Variants in EMX1 observed in about 807,000 individuals in gnomAD.
EMX1 encodes empty spiracles homeobox 1.
In EMX1, 10 loss-of-function variants were observed where a neutral mutation model predicts 20.1. The ratio of observed to expected loss-of-function variants is 0.50; its 90% CI spans 0.31 to 0.84. The LOEUF (loss-of-function observed/expected upper bound fraction) is 0.84. Ranked by LOEUF, EMX1 falls within the 40% of genes least tolerant of loss-of-function variation. The pLI is 0.05. For synonymous variants in EMX1, 250 were observed against 200.4 expected (o/e 1.25, Z -2.09); for missense variants, 424 against 431.9 (o/e 0.98, Z 0.16).
upstream of EMX1, chr2:72,916,776 G>A: frequency 5.6e-6 from 4 of 717,394 alleles, no homozygotes; most frequent in Non-Finnish European, 1.0e-5. Flanking sequence ...AGCCCCCAGA[G>A]CCTCAGAGAA....
At chr2:72,925,150 G>C (rs941601869) in intron 2 of EMX1, among the ~76,000 whole-genome samples, 2 of 152,228 alleles carry the variant, frequency 1.3e-5, no homozygotes, top group Admixed American at 6.5e-5. Context: ...CAGAGCATCT[G>C]AGTGGCCTGG....
intron 1 of EMX1, among the ~76,000 whole-genome samples, chr2:72,920,791 A>G (rs920303679): frequency 6.6e-6 from 1 of 152,290 alleles, no homozygotes; most frequent in East Asian, 1.9e-4. Context: ...GCCGCTCGCG[A>G]GCACCGAAGG....
intron 2 of EMX1, among the ~76,000 whole-genome samples, chr2:72,928,255 G>A (rs1204337784): frequency 6.6e-6 from 1 of 152,218 alleles, no homozygotes; most frequent in Admixed American, 6.5e-5. Context: ...GACCAGGAAG[G>A]TACCAGTCTA....
upstream of EMX1, chr2:72,916,791 A>AG: frequency 1.4e-6 from 1 of 717,290 alleles, no homozygotes; most frequent in South Asian, 1.5e-5. Context: ...AGAGAAGGCG[A>AG]GGGGGTGGAT....
At chr2:72,920,025 G>T (rs1453494964) in intron 1 of EMX1, among the ~76,000 whole-genome samples, 1 of 152,278 alleles carries the variant, frequency 6.6e-6, no homozygotes, top group African/African-American at 2.4e-5. Flanking sequence ...GCTTGTGGAG[G>T]GATAGGGGCT....
intron 1 of EMX1, 134 bp downstream of exon 1, chr2:72,918,506 C>T: frequency 8.2e-7 from 1 of 1,225,734 alleles, no homozygotes; most frequent in Non-Finnish European, 1.0e-6. Flanking sequence ...GAGGTAGATT[C>T]CCAGGCAGGG....
At chr2:72,922,069 G>A (rs1337926704) in intron 1 of EMX1, among the ~76,000 whole-genome samples, 1 of 152,124 alleles carries the variant, frequency 6.6e-6, no homozygotes, top group Non-Finnish European at 1.5e-5. Context: ...CACTTACGGG[G>A]CTTTCCACAC....
At chr2:72,923,865 T>G (rs1284348191) in intron 1 of EMX1, 1 of 260,482 alleles carries the variant, frequency 3.8e-6, no homozygotes, top group East Asian at 1.0e-4. Flanking sequence ...GGGAGATGCT[T>G]TGCGACCAGT....
intron 2 of EMX1, among the ~76,000 whole-genome samples, chr2:72,931,749 C>T (rs147552229): frequency 1.4e-3 from 214 of 152,386 alleles, no homozygotes; most frequent in African/African-American, 4.8e-3. Context: ...CTCCATCCAT[C>T]GAGGCCGGGC....
At chr2:72,916,813 G>C (rs1237431495), upstream of EMX1, 2 of 717,268 alleles carry the variant, frequency 2.8e-6, no homozygotes, top group Middle Eastern at 2.3e-4. Flanking sequence ...TCCCAGTGCC[G>C]AGGCCCGCCG....
chr2:72,924,185 A>C, intron 1 of EMX1, 124 bp from the exon 2 acceptor site: 1 of 1,212,194 alleles, frequency 8.2e-7, no homozygotes, highest in Non-Finnish European at 1.2e-6. Flanking sequence ...GTGCGTGTCA[A>C]GGAATGGAGA....
chr2:72,926,622 C>A (rs1180018190), intron 2 of EMX1, among the ~76,000 whole-genome samples: 1 of 152,152 alleles, frequency 6.6e-6, no homozygotes. Context: ...TAACCCTGGG[C>A]AAGTCACTTA....
At chr2:72,923,353 A>G (rs1671134605) in intron 1 of EMX1, 1 of 152,196 alleles carries the variant, frequency 6.6e-6, no homozygotes, top group African/African-American at 2.4e-5. Context: ...CTATATCTAT[A>G]TATATTAGAG....
intron 2 of EMX1, chr2:72,926,362 T>C (rs1028789084): frequency 1.1e-5 from 10 of 894,922 alleles, no homozygotes; most frequent in Admixed American, 6.2e-5. Flanking sequence ...CAAAACCAGA[T>C]AGAATAACAT....
Position 72,924,512 on chromosome 2 carries a change from G to A in EMX1, c.705+19G>A. On this transcript the variant is annotated intron_variant, in intron 2 of 2. Transcript: ENST00000258106. ...GACGCAGGTAATCACCCCCGGTCGC[G>A]GCCTGCCCTGCGCCCGGAGCCCGGG... 4 of 1,552,748 alleles carry A rather than the reference G, an allele frequency of 2.6e-6. No homozygotes were observed. The highest frequency in any genetic ancestry group is 3.5e-6 in the Non-Finnish European group (4 of 1,154,030).
In EMX1 at chr2:72,934,019, C is replaced by A; in HGVS notation, c.*65C>A. 6.3e-7 allele frequency: 1 copy of A among 1,592,762 alleles called. No individual in the cohort carries two copies. The highest frequency in any genetic ancestry group is 1.1e-5 in the South Asian group (1 of 87,870). On this transcript the variant is annotated 3_prime_UTR_variant, in exon 3 of 3. Transcript: ENST00000258106. ...GCTGCTGGCCAGGCCCCTGCGTGGG[C>A]CCAAGCTGGACTCTGGCCACTCCCT...
At chr2:72,916,429 C>A, upstream of EMX1, 1 of 546,392 alleles carries the variant, frequency 1.8e-6, no homozygotes, top group East Asian at 3.2e-5. Context: ...AGGTCCCAGC[C>A]TCCCCACCGC....
chr2:72,925,570 CG>C, intron 2 of EMX1: 1 of 1,285,942 alleles, frequency 7.8e-7, no homozygotes, highest in African/African-American at 1.5e-5. Context: ...AGCTACCTCC[CG>C]GCTGACTTTT....
chr2:72,924,515 C>A, intron 2 of EMX1, 22 bp downstream of exon 2: 1 of 1,545,994 alleles, frequency 6.5e-7, no homozygotes, highest in East Asian at 2.3e-5. Flanking sequence ...CGGTCGCGGC[C>A]TGCCCTGCGC....
Sources: gnomAD v4.1 joint callset for allele counts (sites outside exome capture counted in the v4.1 genomes callset) on GRCh38, gnomAD v4.1.1 for gene constraint, MANE v1.5 for transcripts, NCBI Gene and HGNC (gene_info 2026-07-23, HGNC 2026-07-21) for gene names.